TMEM38B: variants seen among roughly 807,000 people sequenced by gnomAD.
The protein encoded by TMEM38B is transmembrane protein 38B.
Under a neutral mutation model 28.7 loss-of-function variants are expected in TMEM38B, and 24 were observed. The observed-to-expected ratio is 0.84, with a 90% confidence interval of 0.61 to 1.18. TMEM38B has a LOEUF of 1.18. TMEM38B is among the 50% of genes most tolerant of loss of function. The pLI, the probability that TMEM38B is intolerant of heterozygous loss-of-function variation, is 0.00. For missense variants in TMEM38B, 380 were observed against 350.9 expected (o/e 1.08, Z -0.66); for synonymous variants, 131 against 127.7 (o/e 1.03, Z -0.17).
intron 5 of TMEM38B, chr9:105,760,116 T>A: frequency 2.3e-6 from 2 of 883,274 alleles, no homozygotes; most frequent in Non-Finnish European, 3.8e-6. Context: ...TTGCCATCGA[T>A]GCGCTACAAT....
intron 5 of TMEM38B, among the ~76,000 whole-genome samples, chr9:105,770,054 G>T (rs931752432): frequency 6.6e-6 from 1 of 152,058 alleles, no homozygotes; most frequent in Non-Finnish European, 1.5e-5. Context: ...CCCTTTTGGG[G>T]ATCCAAATAA....
intron 5 of TMEM38B, among the ~76,000 whole-genome samples, chr9:105,771,433 A>G (rs1293340950): frequency 6.6e-6 from 1 of 152,154 alleles, no homozygotes; most frequent in African/African-American, 2.4e-5. Flanking sequence ...GATTCTATTA[A>G]AACACTTGAG....
intron 5 of TMEM38B, among the ~76,000 whole-genome samples, chr9:105,757,202 A>G (rs1019584345): frequency 2.0e-5 from 3 of 151,944 alleles, no homozygotes; most frequent in Non-Finnish European, 4.4e-5. Context: ...ATGGTCTTCA[A>G]CTCCATCCAG....
At chr9:105,731,102 G>A (rs7040890) in intron 4 of TMEM38B, among the ~76,000 whole-genome samples, 15,909 of 151,836 alleles carry the variant, frequency 0.1, 1,325 homozygotes, top group East Asian at 0.47. Context: ...CTTGCCTTCT[G>A]CTAGCTTTTG....
At chr9:105,706,938 G>C (rs1220512149) in intron 2 of TMEM38B, among the ~76,000 whole-genome samples, 1 of 152,010 alleles carries the variant, frequency 6.6e-6, no homozygotes, top group African/African-American at 2.4e-5. Flanking sequence ...CACCACGTCT[G>C]GCTAATTTTC....
At chr9:105,759,132 G>T in intron 5 of TMEM38B, 1 of 779,096 alleles carries the variant, frequency 1.3e-6, no homozygotes, top group South Asian at 1.4e-5. Flanking sequence ...AACTTATGTT[G>T]GATTTGAACA....
Position 105,741,612 on chromosome 9 carries a change from A to G in TMEM38B, c.543-6461A>G, listed in dbSNP as rs564528700. ...AAACTTAGCTGCACAATTGTTTGCC[A>G]CAGTTGTGTGGAAAGCATAACTTGT... On this transcript the variant is annotated intron_variant, in intron 4 of 5. Transcript: ENST00000374692. Among the ~76,000 whole-genome samples, 5 of 152,346 alleles carry G rather than the reference A, an allele frequency of 3.3e-5. No individual in the cohort carries two copies. The East Asian group carries it at 9.6e-4, about 29-fold the overall frequency.
chr9:105,759,123 A>C, intron 5 of TMEM38B: 2 of 781,320 alleles, frequency 2.6e-6, no homozygotes, highest in Non-Finnish European at 4.8e-6. Flanking sequence ...GAATAATCCA[A>C]CTTATGTTGG....
rs147351844 is a variant in TMEM38B at position 105,749,375 on chromosome 9, A to G, written c.660+1185A>G. 1,232 of 191,738 alleles carry G rather than the reference A, an allele frequency of 6.4e-3. 9 individuals are homozygous for G. Among genetic ancestry groups the G allele is most frequent in the African/African-American group, 0.027 (1,131 of 42,004 alleles). The allele number at this position is 191,738 out of a possible 1,614,324, so 11.9% of individuals were successfully genotyped here. On this transcript the variant is annotated intron_variant, in intron 5 of 5. Coordinates refer to ENST00000374692, the MANE Select transcript of TMEM38B (RefSeq NM_018112.3). ...GAGGAGGAGCAAAGGCACATCTTACATGGTGGCAGGCAAGAGAGCTTGTGC... is the reference window on the plus strand; with the variant it reads ...GAGGAGGAGCAAAGGCACATCTTACGTGGTGGCAGGCAAGAGAGCTTGTGC...
intron 2 of TMEM38B, chr9:105,710,291 C>T (rs1835852745): frequency 1.7e-5 from 11 of 646,670 alleles, no homozygotes; most frequent in Non-Finnish European, 2.8e-5. Context: ...ACAGTTTGGT[C>T]TGTCATTGTC....
At chr9:105,695,980 T>A (rs1052089235) in intron 1 of TMEM38B, among the ~76,000 whole-genome samples, 12 of 152,228 alleles carry the variant, frequency 7.9e-5, no homozygotes, top group African/African-American at 2.9e-4. Flanking sequence ...TTTTTTTGTA[T>A]AGGCTGAATC....
chr9:105,701,031 TC>T (rs1294164657), intron 1 of TMEM38B: 1 of 152,172 alleles, frequency 6.6e-6, no homozygotes, highest in East Asian at 1.9e-4. Context: ...AAAGAGCTCC[TC>T]CACCAAGTTT....
chr9:105,694,869 A>G, intron 1 of TMEM38B, 97 bp downstream of exon 1: 1 of 844,904 alleles, frequency 1.2e-6, no homozygotes, highest in South Asian at 1.6e-5. Flanking sequence ...TGGGCGGCTG[A>G]GTGGCCGCTA....
chr9:105,757,062 C>T (rs1837860545), intron 5 of TMEM38B, among the ~76,000 whole-genome samples: 1 of 152,082 alleles, frequency 6.6e-6, no homozygotes, highest in Non-Finnish European at 1.5e-5. Flanking sequence ...ATCTCTCTCC[C>T]ACCCTTCCCC....
chr9:105,722,711 G>GTTC, intron 4 of TMEM38B, 90 bp downstream of exon 4: 3 of 1,004,296 alleles, frequency 3.0e-6, no homozygotes, highest in Non-Finnish European at 4.6e-6. Flanking sequence ...GACTTTAAAT[G>GTTC]TGGGTGGAAT....
intron 2 of TMEM38B, among the ~76,000 whole-genome samples, chr9:105,706,757 T>C (rs1835685147): frequency 6.6e-6 from 1 of 152,086 alleles, no homozygotes; most frequent in Admixed American, 6.5e-5. Flanking sequence ...CCTCTGTCCT[T>C]GGCTTTTTGG....
At chr9:105,711,634 GT>G (rs1835906527) in intron 2 of TMEM38B, among the ~76,000 whole-genome samples, 1 of 151,856 alleles carries the variant, frequency 6.6e-6, no homozygotes, top group Non-Finnish European at 1.5e-5. Context: ...GAGCCCAGGA[GT>G]TCGAACAACT....
intron 1 of TMEM38B, among the ~76,000 whole-genome samples, chr9:105,697,892 C>A (rs1179589654): frequency 1.3e-5 from 2 of 151,838 alleles, no homozygotes; most frequent in African/African-American, 2.4e-5. Flanking sequence ...TTCTATAGTT[C>A]TATAAAAGTA....
chr9:105,765,556 C>G (rs1826344448), intron 5 of TMEM38B, among the ~76,000 whole-genome samples: 1 of 152,156 alleles, frequency 6.6e-6, no homozygotes, highest in Non-Finnish European at 1.5e-5. Flanking sequence ...TATATCACTA[C>G]AGATTAGTGT....
Sources: gnomAD v4.1 joint callset for allele counts (sites outside exome capture counted in the v4.1 genomes callset) on GRCh38, gnomAD v4.1.1 for gene constraint, MANE v1.5 for transcripts, NCBI Gene and HGNC (gene_info 2026-07-23, HGNC 2026-07-21) for gene names.